Variants in KCNMA1 observed in about 807,000 individuals in gnomAD.
KCNMA1 encodes potassium calcium-activated channel subfamily M alpha 1, also known as Calcium-activated potassium channel subunit alpha-1.
Under a neutral mutation model 140.0 loss-of-function variants are expected in KCNMA1, and 29 were observed. The ratio of observed to expected loss-of-function variants is 0.21; its 90% CI spans 0.15 to 0.28. The LOEUF is 0.28. Ranked by LOEUF, KCNMA1 falls within the 10% of genes least tolerant of loss-of-function variation. The pLI is 1.00. For synonymous variants in KCNMA1, 612 were observed against 611.9 expected, an observed-to-expected ratio of 1.00 and a Z score of 0.00; for missense variants, 880 against 1,602.2, an observed-to-expected ratio of 0.55 and a Z score of 7.70.
chr10:77,433,166 A>C (rs973020316), intron 1 of KCNMA1, among the ~76,000 whole-genome samples: 2 of 151,964 alleles, frequency 1.3e-5, no homozygotes, highest in African/African-American at 4.8e-5. Flanking sequence ...TTTTATTTTT[A>C]TTTTGAGACA....
chr10:77,584,909 T>C (rs1168853457), intron 1 of KCNMA1, among the ~76,000 whole-genome samples: 1 of 152,206 alleles, frequency 6.6e-6, no homozygotes, highest in Non-Finnish European at 1.5e-5. Flanking sequence ...CAGCTCCCTA[T>C]GGGAAGCCCA....
intron 2 of KCNMA1, among the ~76,000 whole-genome samples, chr10:77,375,282 A>G (rs2095016057): frequency 6.6e-6 from 1 of 152,174 alleles, no homozygotes; most frequent in Admixed American, 6.5e-5. Flanking sequence ...CTCAAAGGCA[A>G]TTATGAATAA....
intron 2 of KCNMA1, among the ~76,000 whole-genome samples, chr10:77,267,266 G>T (rs1248559781): frequency 1.3e-5 from 2 of 152,182 alleles, no homozygotes; most frequent in Non-Finnish European, 2.9e-5. Context: ...AGCAAGCGAT[G>T]AAGTCCCACT....
At chr10:77,379,765 A>G (rs757838010) in intron 2 of KCNMA1, among the ~76,000 whole-genome samples, 1 of 152,158 alleles carries the variant, frequency 6.6e-6, no homozygotes, top group Non-Finnish European at 1.5e-5. Context: ...CATCAAGACT[A>G]TATCCAGCTC....
At chr10:77,199,285 T>C (rs1292876800) in intron 3 of KCNMA1, among the ~76,000 whole-genome samples, 1 of 152,232 alleles carries the variant, frequency 6.6e-6, no homozygotes, top group Non-Finnish European at 1.5e-5. Flanking sequence ...GGCACTATGC[T>C]GGTTTTGGAG....
Position 77,404,031 on chromosome 10 carries a change from CAG to C in KCNMA1, c.379-10_379-9del. 6.2e-7 allele frequency: 1 copy of C among 1,613,896 alleles called. No individual in the cohort carries two copies. Among genetic ancestry groups the C allele is most frequent in the Non-Finnish European group, 8.5e-7 (1 of 1,179,928 alleles). ...GTTAATCTTCTGGGCCTCCTGGCAA[CAG>C]AGAGAGCAAGAGTTAAGACATAGGG... On this transcript the variant is annotated splice_polypyrimidine_tract_variant and intron_variant, in intron 1 of 27. Transcript: ENST00000286628.
chr10:77,382,885 A>AT (rs1555265195), intron 2 of KCNMA1, among the ~76,000 whole-genome samples: 6 of 91,316 alleles, frequency 6.6e-5, no homozygotes, highest in African/African-American at 2.9e-4. Context: ...AAAAAAAAAA[A>AT]ATATATATAT....
intron 1 of KCNMA1, among the ~76,000 whole-genome samples, chr10:77,568,116 C>T (rs1040978348): frequency 6.6e-6 from 1 of 152,086 alleles, no homozygotes; most frequent in Non-Finnish European, 1.5e-5. Flanking sequence ...AAAAAGAGTC[C>T]AAGACCAGAT....
At chr10:77,390,018 C>T (rs1270197017) in intron 2 of KCNMA1, among the ~76,000 whole-genome samples, 1 of 152,220 alleles carries the variant, frequency 6.6e-6, no homozygotes, top group Non-Finnish European at 1.5e-5. Context: ...TTGCAGTTCT[C>T]CTGGTGCCTA....
At position 77,123,488 on chromosome 10, in the gene KCNMA1, T is replaced by C. The variant is rs545265996; in HGVS notation, c.809-2440A>G. Among the ~76,000 whole-genome samples the C allele has an allele frequency of 5.3e-5, 8 of 152,308 alleles. No homozygotes were observed. In the South Asian group the frequency reaches 8.3e-4, roughly 16 times the overall value. The stretch of plus-strand genomic sequence containing the variant: ...CTGGTCCTAACCTTCCAGCCCAACC[T>C]AGACTGTTATCTCATACCAGTATCA... On this transcript the variant is annotated intron_variant, in intron 5 of 27. Coordinates refer to ENST00000286628, the MANE Select transcript of KCNMA1 (RefSeq NM_001161352.2).
chr10:77,077,328 A>G (rs1249927392), intron 13 of KCNMA1, among the ~76,000 whole-genome samples: 1 of 152,246 alleles, frequency 6.6e-6, no homozygotes, highest in African/African-American at 2.4e-5. Flanking sequence ...CAAAACTCGA[A>G]TAGTTTGGGA....
chr10:77,422,302 G>T (rs967069962), intron 1 of KCNMA1, among the ~76,000 whole-genome samples: 3 of 152,184 alleles, frequency 2.0e-5, no homozygotes, highest in Non-Finnish European at 4.4e-5. Flanking sequence ...TTCCAATTCA[G>T]TAGGCTTAGG....
intron 18 of KCNMA1, among the ~76,000 whole-genome samples, chr10:77,006,516 T>C (rs982732375): frequency 7.2e-5 from 11 of 152,200 alleles, no homozygotes; most frequent in African/African-American, 2.7e-4. Context: ...GAGAATATTC[T>C]TTCAAGTCCT....
intron 14 of KCNMA1, among the ~76,000 whole-genome samples, chr10:77,054,297 A>G (rs2095473195): frequency 6.6e-6 from 1 of 152,194 alleles, no homozygotes; most frequent in South Asian, 2.1e-4. Context: ...TTTTAGCCAA[A>G]ACAAGAAATC....
intron 1 of KCNMA1, among the ~76,000 whole-genome samples, chr10:77,567,309 G>A (rs562038391): frequency 6.6e-6 from 1 of 152,232 alleles, no homozygotes; most frequent in African/African-American, 2.4e-5. Flanking sequence ...TCAGAACCCC[G>A]CCATCCATCA....
At chr10:77,010,108 G>T (rs890541854) in intron 18 of KCNMA1, among the ~76,000 whole-genome samples, 2 of 152,154 alleles carry the variant, frequency 1.3e-5, no homozygotes, top group African/African-American at 4.8e-5. Context: ...TGGGATGAGG[G>T]TCTGGCAAAT....
At chr10:77,021,204 C>T (rs2153491351) in intron 16 of KCNMA1, 1 of 152,292 alleles carries the variant, frequency 6.6e-6, no homozygotes, top group Middle Eastern at 3.4e-3. Flanking sequence ...AAATTCCATG[C>T]ACTGGCTTTG....
intron 1 of KCNMA1, among the ~76,000 whole-genome samples, chr10:77,573,313 G>C (rs796612788): frequency 2.6e-5 from 4 of 152,256 alleles, no homozygotes; most frequent in African/African-American, 9.6e-5. Flanking sequence ...GTGTGTGCAT[G>C]GGCGGTGGGG....
At chr10:77,003,116 T>C (rs1409954185) in intron 18 of KCNMA1, among the ~76,000 whole-genome samples, 1 of 152,158 alleles carries the variant, frequency 6.6e-6, no homozygotes, top group East Asian at 1.9e-4. Flanking sequence ...GGTAACGTTA[T>C]GATTGTGAAG....
Sources: gnomAD v4.1 joint callset for allele counts (sites outside exome capture counted in the v4.1 genomes callset) on GRCh38, gnomAD v4.1.1 for gene constraint, MANE v1.5 for transcripts, NCBI Gene and HGNC (gene_info 2026-07-23, HGNC 2026-07-21) for gene names.